The following DNAJC1 variants were observed in gnomAD, a reference collection of about 807,000 sequenced individuals.
DNAJC1 encodes the protein dnaJ homolog subfamily C member 1.
In DNAJC1, 58 loss-of-function variants were observed where a neutral mutation model predicts 76.6. That is an observed-to-expected ratio of 0.76 (90% CI 0.61 to 0.94). DNAJC1 has a LOEUF of 0.94. Among genes scored for constraint, DNAJC1 ranks in the 40% least tolerant of loss-of-function variants. The pLI is 0.00. For missense variants in DNAJC1, 689 were observed against 677.3 expected (o/e 1.02, Z -0.19); for synonymous variants, 258 against 267.9 (o/e 0.96, Z 0.36).
intron 11 of DNAJC1, among the ~76,000 whole-genome samples, chr10:21,758,138 G>A (rs973371611): frequency 1.3e-5 from 2 of 152,110 alleles, no homozygotes; most frequent in Non-Finnish European, 2.9e-5. Context: ...AAAGTAGGTG[G>A]AGAAAACTAC....
chr10:21,817,102 G>T (rs563164416), intron 8 of DNAJC1, among the ~76,000 whole-genome samples: 55 of 141,280 alleles, frequency 3.9e-4, no homozygotes, highest in Middle Eastern at 3.8e-3. Flanking sequence ...GGAGCTTGCA[G>T]TGAGCTGAGA....
intron 9 of DNAJC1, among the ~76,000 whole-genome samples, chr10:21,780,252 A>G (rs1455433987): frequency 6.6e-6 from 1 of 152,194 alleles, no homozygotes; most frequent in Non-Finnish European, 1.5e-5. Context: ...GAACACCACA[A>G]AGATACTCCT....
chr10:21,835,687 C>T (rs561120712), intron 8 of DNAJC1, among the ~76,000 whole-genome samples: 79 of 152,280 alleles, frequency 5.2e-4, no homozygotes, highest in Non-Finnish European at 7.8e-4. Context: ...ATGCAGAAGC[C>T]TCAGTAGCCG....
intron 9 of DNAJC1, among the ~76,000 whole-genome samples, chr10:21,782,933 C>T (rs1160499459): frequency 6.6e-6 from 1 of 152,190 alleles, no homozygotes; most frequent in South Asian, 2.1e-4. Context: ...GACAAACCCA[C>T]AGCCAATATC....
At chr10:21,770,175 C>A (rs769053621) in intron 9 of DNAJC1, among the ~76,000 whole-genome samples, 4 of 152,166 alleles carry the variant, frequency 2.6e-5, no homozygotes, top group Non-Finnish European at 5.9e-5. Context: ...CCACCACCTG[C>A]ACTAGTCCTT....
chr10:21,790,887 A>C (rs1251991306), intron 9 of DNAJC1, among the ~76,000 whole-genome samples: 1 of 152,216 alleles, frequency 6.6e-6, no homozygotes, highest in African/African-American at 2.4e-5. Context: ...ATAACCTTGA[A>C]TATGAACAGA....
At chr10:21,849,274 C>T (rs1294599733) in intron 8 of DNAJC1, among the ~76,000 whole-genome samples, 1 of 108,202 alleles carries the variant, frequency 9.2e-6, no homozygotes, top group Admixed American at 1.5e-4. Context: ...GGCTGGGTGA[C>T]AGAGTGGGAC....
chr10:21,794,125 T>G (rs536084260), intron 9 of DNAJC1, among the ~76,000 whole-genome samples: 1 of 151,770 alleles, frequency 6.6e-6, no homozygotes, highest in Non-Finnish European at 1.5e-5. Context: ...AAAAAACTAG[T>G]TGGGTGTGGT....
At chr10:21,813,054 T>TATATATAC (rs1353552296) in intron 8 of DNAJC1, among the ~76,000 whole-genome samples, 1 of 118,068 alleles carries the variant, frequency 8.5e-6, no homozygotes, top group Non-Finnish European at 1.7e-5. Context: ...CACACACACA[T>TATATATAC]ATATATACAT....
chr10:21,873,878 C>T (rs1361741169), intron 8 of DNAJC1, among the ~76,000 whole-genome samples: 1 of 152,156 alleles, frequency 6.6e-6, no homozygotes, highest in African/African-American at 2.4e-5. Flanking sequence ...GCATAAAGGG[C>T]AGTGGAACAG....
At chr10:21,840,694 T>A (rs1301624240) in intron 8 of DNAJC1, among the ~76,000 whole-genome samples, 2 of 152,150 alleles carry the variant, frequency 1.3e-5, no homozygotes, top group African/African-American at 4.8e-5. Flanking sequence ...AATTTATAGA[T>A]TCAGTGCCAT....
intron 10 of DNAJC1, among the ~76,000 whole-genome samples, chr10:21,763,285 T>C (rs965637020): frequency 6.6e-6 from 1 of 152,238 alleles, no homozygotes; most frequent in Non-Finnish European, 1.5e-5. Context: ...CAAAACACTT[T>C]CACATTCATT....
chr10:21,853,294 C>A (rs1215555484), intron 8 of DNAJC1, among the ~76,000 whole-genome samples: 1 of 152,064 alleles, frequency 6.6e-6, no homozygotes, highest in Non-Finnish European at 1.5e-5. Context: ...TGTGTTTCTT[C>A]CAAGAATTCA....
intron 11 of DNAJC1, 90 bp downstream of exon 11, chr10:21,759,080 G>T: frequency 7.7e-7 from 1 of 1,291,570 alleles, no homozygotes; most frequent in Non-Finnish European, 1.1e-6. Context: ...CAGTAGATAG[G>T]AATGAGGGAA....
chr10:21,812,201 G>GCAT (rs1834979044), intron 8 of DNAJC1, among the ~76,000 whole-genome samples: 1 of 151,936 alleles, frequency 6.6e-6, no homozygotes, highest in Non-Finnish European at 1.5e-5. Context: ...TGGGATTACA[G>GCAT]GTGCCCGCCA....
intron 8 of DNAJC1, among the ~76,000 whole-genome samples, chr10:21,819,352 G>A (rs1406724375): frequency 2.6e-5 from 4 of 151,804 alleles, no homozygotes; most frequent in Non-Finnish European, 5.9e-5. Context: ...AGTGAGCCGA[G>A]ATCACGCCAC....
intron 8 of DNAJC1, among the ~76,000 whole-genome samples, chr10:21,817,719 C>T (rs1266380396): frequency 2.6e-5 from 4 of 152,134 alleles, no homozygotes; most frequent in South Asian, 4.1e-4. Flanking sequence ...GGCAGAAGAA[C>T]GTGGATTGTG....
chr10:21,941,997 AG>A (rs1837421424), intron 1 of DNAJC1, among the ~76,000 whole-genome samples: 1 of 152,202 alleles, frequency 6.6e-6, no homozygotes, highest in Admixed American at 6.5e-5. Context: ...AGAAAAATTA[AG>A]AAGTATAACA....
intron 1 of DNAJC1, among the ~76,000 whole-genome samples, chr10:21,973,679 T>C (rs1370162427): frequency 6.6e-6 from 1 of 151,804 alleles, no homozygotes; most frequent in African/African-American, 2.4e-5. Context: ...TGTGCATAGT[T>C]AACAAAATTA....
Sources: gnomAD v4.1 joint callset for allele counts (sites outside exome capture counted in the v4.1 genomes callset) on GRCh38, gnomAD v4.1.1 for gene constraint, MANE v1.5 for transcripts, NCBI Gene and HGNC (gene_info 2026-07-23, HGNC 2026-07-21) for gene names.